The following FARP2 variants were observed in gnomAD, a reference collection of about 807,000 sequenced individuals.
FARP2 encodes FERM, ARH/RhoGEF and pleckstrin domain protein 2, also known as FERM, ARHGEF and pleckstrin domain-containing protein 2.
A neutral mutation model predicts 130.5 loss-of-function variants in FARP2; 111 were observed. The observed-to-expected ratio is 0.85, with a 90% CI of 0.73 to 1.00. The LOEUF is 1.00. Among genes scored for constraint, FARP2 ranks in the 50% least tolerant of loss-of-function variants. FARP2 has a pLI of 0.00. For missense variants in FARP2, 1,385 were observed against 1,346.3 expected (o/e 1.03, Z -0.45); for synonymous variants, 504 against 516.9 (o/e 0.98, Z 0.34).
At chr2:241,420,845 TTCTAAGCACAGATATTTAA>T (rs2062788329) in intron 8 of FARP2, among the ~76,000 whole-genome samples, 1 of 152,154 alleles carries the variant, frequency 6.6e-6, no homozygotes, top group Admixed American at 6.5e-5. Context: ...ACAGCCTCAG[TTCTAAGCACAGATATTTAA>T]AATTATAATA....
rs539181837 is a variant in FARP2, at chr2:241,416,517, G to A, written c.624-1445G>A. On this transcript the variant is annotated intron_variant, in intron 7 of 26. Transcript: ENST00000264042. ...TTAATTATTATACATTTCTTACATT[G>A]TCTTATGATTCTGATGGTTCTTCAG... 2.7e-4 allele frequency among the ~76,000 whole-genome samples: 41 copies of A among 151,982 alleles called. 1 individual carries two copies. Among genetic ancestry groups the A allele is most frequent in the African/African-American group, 9.9e-4 (41 of 41,392 alleles).
chr2:241,437,854 A>G (rs1031494121), intron 12 of FARP2, among the ~76,000 whole-genome samples: 64 of 151,838 alleles, frequency 4.2e-4, no homozygotes, highest in Admixed American at 3.7e-3. Flanking sequence ...TTTAGTAGAG[A>G]CGGGGTTTCA....
intron 8 of FARP2, among the ~76,000 whole-genome samples, chr2:241,421,654 C>G (rs973269224): frequency 3.9e-5 from 6 of 152,340 alleles, no homozygotes; most frequent in African/African-American, 1.4e-4. Flanking sequence ...CCCTGTTCCT[C>G]CTGACTGGGT....
chr2:241,491,374 T>C lies in FARP2; in HGVS notation c.2624-142T>C, dbSNP rs2064902248. On this transcript the variant is annotated intron_variant, in intron 23 of 26. Coordinates refer to ENST00000264042, the MANE Select transcript of FARP2 (RefSeq NM_014808.4). ...GCTGCTCTGGCAGAAGCACCTGTAG[T>C]TTTGCTCTCAGCCAGCAGCTGGCCT... is the stretch of plus-strand genomic sequence containing the variant. The C allele has an allele frequency of 4.3e-5, 41 of 950,364 alleles. No individual in the cohort carries two copies. The South Asian group carries it at 6.2e-4, about 14-fold the overall frequency. 58.9% of individuals were successfully genotyped at this position (950,364 alleles called of 1,614,324 possible). A position where few individuals can be genotyped will look rare whatever the true frequency, so the allele number is the denominator to read the frequency against.
intron 19 of FARP2, chr2:241,479,044 A>C (rs1434046321): frequency 1.1e-5 from 6 of 544,200 alleles, no homozygotes; most frequent in Non-Finnish European, 2.0e-5. Context: ...CCCAAGATGC[A>C]ATGAACTACC....
chr2:241,402,740 C>T (rs1157351170), intron 2 of FARP2, among the ~76,000 whole-genome samples: 1 of 147,614 alleles, frequency 6.8e-6, no homozygotes, highest in Non-Finnish European at 1.5e-5. Flanking sequence ...AATCTCAACT[C>T]ACTGCAACCT....
intron 10 of FARP2, 60 bp downstream of exon 10, chr2:241,434,381 G>A (rs1024896686): frequency 6.4e-6 from 8 of 1,244,426 alleles, no homozygotes; most frequent in Admixed American, 2.7e-5. Flanking sequence ...TGAGAAAATA[G>A]GTAATTCCTA....
At chr2:241,492,031 G>A (rs1399332718) in intron 24 of FARP2, among the ~76,000 whole-genome samples, 2 of 152,150 alleles carry the variant, frequency 1.3e-5, no homozygotes, top group Admixed American at 6.5e-5. Flanking sequence ...CTTGGAGCTC[G>A]AGGCTCTGCC....
chr2:241,450,066 C>T (rs372540317), intron 13 of FARP2, among the ~76,000 whole-genome samples: 1 of 151,136 alleles, frequency 6.6e-6, no homozygotes, highest in Non-Finnish European at 1.5e-5. Context: ...TCTGAAATAA[C>T]AGTTTTAAAT....
chr2:241,383,993 C>G (rs1387590869), intron 2 of FARP2, among the ~76,000 whole-genome samples: 1 of 151,906 alleles, frequency 6.6e-6, no homozygotes, highest in Non-Finnish European at 1.5e-5. Context: ...CTGTGACCTT[C>G]CAGAAGGTGC....
At chr2:241,410,103 C>T (rs776231519) in intron 5 of FARP2, among the ~76,000 whole-genome samples, 37 of 152,262 alleles carry the variant, frequency 2.4e-4, no homozygotes, top group Middle Eastern at 3.4e-3. Flanking sequence ...ACGTAATTCA[C>T]GCTCAGTAAT....
intron 2 of FARP2, among the ~76,000 whole-genome samples, chr2:241,394,283 C>G (rs1057149613): frequency 2.6e-5 from 4 of 152,110 alleles, no homozygotes; most frequent in Non-Finnish European, 5.9e-5. Context: ...CTTTGGGAGG[C>G]CGAGGCAGGC....
intron 20 of FARP2, 64 bp from the exon 21 acceptor site, chr2:241,484,178 G>A (rs1397536106): frequency 1.9e-6 from 3 of 1,605,424 alleles, no homozygotes; most frequent in African/African-American, 2.7e-5. Context: ...CAGAGTCCAA[G>A]TTGGTCTGAC....
In FARP2 at chr2:241,482,187, C is replaced by A. The variant is rs898425928; in HGVS notation, c.2263-1278C>A. On this transcript the variant is annotated intron_variant, in intron 19 of 26. Transcript: ENST00000264042. The surrounding 1 kb of genome is among the most constrained non-coding windows in gnomAD (Gnocchi z 4.6). ...TCAGGGAGGTGGCAGAACTGTGAGC[C>A]ACAGTTACTACCCTAGGGCTGGGGA... Among the ~76,000 whole-genome samples the A allele has an allele frequency of 5.9e-5, 9 of 152,156 alleles. No individual in the cohort carries two copies. Among genetic ancestry groups the A allele is most frequent in the African/African-American group, 2.2e-4 (9 of 41,418 alleles).
intron 3 of FARP2, among the ~76,000 whole-genome samples, chr2:241,404,379 C>T (rs747474087): frequency 7.9e-5 from 12 of 152,116 alleles, no homozygotes; most frequent in Non-Finnish European, 1.3e-4. Flanking sequence ...TTTCAGATAC[C>T]CTTGGCAGTG....
At chr2:241,382,444 C>A (rs761381743) in intron 2 of FARP2, among the ~76,000 whole-genome samples, 1 of 151,854 alleles carries the variant, frequency 6.6e-6, no homozygotes, top group Non-Finnish European at 1.5e-5. Flanking sequence ...CCACCATGCC[C>A]GGCTAATTTT....
chr2:241,402,454 C>T (rs2062194114), intron 2 of FARP2, among the ~76,000 whole-genome samples: 1 of 151,868 alleles, frequency 6.6e-6, no homozygotes. Context: ...TAACTTTTTC[C>T]ATTGTGATTC....
At chr2:241,472,263 T>A (rs1380733783) in intron 18 of FARP2, among the ~76,000 whole-genome samples, 1 of 150,608 alleles carries the variant, frequency 6.6e-6, no homozygotes, top group Non-Finnish European at 1.5e-5. Context: ...AACCCTGTTG[T>A]GAGGGGATTC....
At chr2:241,451,711 G>C (rs1574850517) in intron 13 of FARP2, among the ~76,000 whole-genome samples, 3 of 152,226 alleles carry the variant, frequency 2.0e-5, no homozygotes, top group African/African-American at 7.2e-5. Flanking sequence ...AACATATTCT[G>C]TGGCACCTAA....
Sources: allele counts gnomAD v4.1 joint callset (sites outside exome capture counted in the v4.1 genomes callset), GRCh38; gene constraint gnomAD v4.1.1; non-coding constraint Gnocchi (gnomAD v3.1); transcripts MANE v1.5; gene names NCBI Gene and HGNC (gene_info 2026-07-23, HGNC 2026-07-21).